SYMPK: variants seen among roughly 807,000 people sequenced by gnomAD.
SYMPK encodes symplekin scaffold protein.
SYMPK carries 49 observed loss-of-function variants against 136.4 expected under a neutral mutation model. The ratio of observed to expected loss-of-function variants is 0.36; its 90% confidence interval spans 0.29 to 0.46. The LOEUF (loss-of-function observed/expected upper bound fraction) is 0.46. Among genes scored for constraint, SYMPK ranks in the 20% least tolerant of loss-of-function variants. The pLI, the probability that SYMPK is intolerant of heterozygous loss-of-function variation, is 1.00. For missense variants in SYMPK, 1,365 were observed against 1,690.0 expected (o/e 0.81, Z 3.37); for synonymous variants, 766 against 713.0 (o/e 1.07, Z -1.19).
chr19:45,855,760 C>CCGAAACGGG (rs1971808355), intron 1 of SYMPK: 1 of 152,060 alleles, frequency 6.6e-6, no homozygotes, highest in Non-Finnish European at 1.5e-5. Context: ...CTTTGGGAGG[C>CCGAAACGGG]TGAGGCAGGC....
At chr19:45,856,039 C>T (rs1307346107) in intron 1 of SYMPK, among the ~76,000 whole-genome samples, 1 of 151,714 alleles carries the variant, frequency 6.6e-6, no homozygotes, top group Non-Finnish European at 1.5e-5. Flanking sequence ...AACCAAAAAC[C>T]AGCAGAGGAA....
At chr19:45,847,097 G>A (rs943099546) in intron 7 of SYMPK, among the ~76,000 whole-genome samples, 1 of 151,932 alleles carries the variant, frequency 6.6e-6, no homozygotes, top group African/African-American at 2.4e-5. Context: ...CCTGGCCTAT[G>A]TCCTACTTTT....
chr19:45,841,983 ATTTATT>A (rs1291086246), intron 9 of SYMPK, among the ~76,000 whole-genome samples: 1 of 151,772 alleles, frequency 6.6e-6, no homozygotes, highest in Non-Finnish European at 1.5e-5. Context: ...AAATACTGTA[ATTTATT>A]TTTATAATTA....
At chr19:45,841,707 T>G (rs1237529963) in intron 9 of SYMPK, among the ~76,000 whole-genome samples, 1 of 152,178 alleles carries the variant, frequency 6.6e-6, no homozygotes, top group African/African-American at 2.4e-5. Context: ...ACACTATTGA[T>G]AAATAATACA....
intron 3 of SYMPK, among the ~76,000 whole-genome samples, chr19:45,853,760 G>A (rs1014228636): frequency 2.0e-5 from 3 of 152,080 alleles, no homozygotes; most frequent in Admixed American, 6.6e-5. Flanking sequence ...GAGCCCCCCT[G>A]GGCTCCCTTC....
At chr19:45,860,232 G>C (rs970253691) in intron 1 of SYMPK, among the ~76,000 whole-genome samples, 2 of 151,934 alleles carry the variant, frequency 1.3e-5, no homozygotes, top group African/African-American at 4.8e-5. Context: ...AAGGCGGGTG[G>C]ATCACCCGAG....
intron 1 of SYMPK, among the ~76,000 whole-genome samples, chr19:45,862,712 G>A (rs35850102): frequency 0.042 from 6,377 of 152,324 alleles, 169 homozygotes; most frequent in South Asian, 0.086. Context: ...GTAAAAGGAT[G>A]TTGCAGGCAG....
rs1176588710 is a variant in SYMPK at position 45,844,130 on chromosome 19, G to A, written c.747C>T (p.Ser249=). ...LLKFMVHPAI[S]SINLTTALGS... ...CCAGCGCTGTGGTCAGGTTGATGGAGGAGATGGCAGGGTGCACCATGAACT... is the reference window on the plus strand; with the variant it reads ...CCAGCGCTGTGGTCAGGTTGATGGAAGAGATGGCAGGGTGCACCATGAACT... Residue 249 remains serine, a synonymous_variant, in exon 8 of 27, where the codon TCC becomes TCT. Transcript: ENST00000245934. 4 of 1,612,662 alleles carry A rather than the reference G, an allele frequency of 2.5e-6. No homozygotes were observed. The East Asian group carries it at 8.9e-5, about 36-fold the overall frequency.
intron 23 of SYMPK, among the ~76,000 whole-genome samples, chr19:45,817,417 C>CTTTTTTTTTTT (rs559430104): frequency 1.6e-4 from 17 of 108,476 alleles, no homozygotes; most frequent in African/African-American, 5.7e-4. Flanking sequence ...TTTTTGTTCT[C>CTTTTTTTTTTT]TTTTTTTTTT....
chr19:45,845,873 T>C (rs1356198045), intron 7 of SYMPK, among the ~76,000 whole-genome samples: 1 of 152,228 alleles, frequency 6.6e-6, no homozygotes, highest in Non-Finnish European at 1.5e-5. Flanking sequence ...TGTTGTCTTT[T>C]TGATAAAAGT....
intron 20 of SYMPK, 48 bp from the exon 21 acceptor site, chr19:45,822,894 C>G (rs1970940778): frequency 1.4e-6 from 2 of 1,480,470 alleles, no homozygotes; most frequent in Non-Finnish European, 1.9e-6. Flanking sequence ...CATACACCCT[C>G]ATTTCCCTTC....
At chr19:45,829,450 T>C (rs1444634595) in intron 13 of SYMPK, among the ~76,000 whole-genome samples, 1 of 152,152 alleles carries the variant, frequency 6.6e-6, no homozygotes, top group African/African-American at 2.4e-5. Context: ...AGCACCCATG[T>C]ACTTAAGTGC....
At chr19:45,818,234 G>A in intron 22 of SYMPK, 88 bp from the exon 23 acceptor site, 3 of 1,344,696 alleles carry the variant, frequency 2.2e-6, no homozygotes, top group Non-Finnish European at 3.0e-6. Context: ...CTGCCCATGT[G>A]AGGGGAAGAC....
chr19:45,837,237 T>A (rs556939727), intron 10 of SYMPK, among the ~76,000 whole-genome samples: 1 of 152,278 alleles, frequency 6.6e-6, no homozygotes, highest in African/African-American at 2.4e-5. Context: ...TGGTATTTTA[T>A]ACTATGAATA....
chr19:45,850,738 A>C (rs762819808), intron 5 of SYMPK, among the ~76,000 whole-genome samples: 2 of 152,160 alleles, frequency 1.3e-5, no homozygotes, highest in Non-Finnish European at 2.9e-5. Context: ...CCAGGCAGGT[A>C]CTGGGGACAA....
intron 9 of SYMPK, among the ~76,000 whole-genome samples, chr19:45,842,007 A>G (rs1281788620): frequency 6.6e-6 from 1 of 151,830 alleles, no homozygotes; most frequent in African/African-American, 2.4e-5. Context: ...TTATTTTATA[A>G]TTTTTTAAAA....
chr19:45,849,215 T>C (rs1016166340), intron 5 of SYMPK, among the ~76,000 whole-genome samples: 1 of 152,140 alleles, frequency 6.6e-6, no homozygotes, highest in Non-Finnish European at 1.5e-5. Flanking sequence ...TTTGGGAAAA[T>C]TGCAACAATA....
intron 1 of SYMPK, among the ~76,000 whole-genome samples, chr19:45,858,702 A>T (rs1971891022): frequency 6.6e-6 from 1 of 152,034 alleles, no homozygotes; most frequent in South Asian, 2.1e-4. Context: ...TTTAGTAGAG[A>T]CGGGGTTTCT....
intron 7 of SYMPK, among the ~76,000 whole-genome samples, chr19:45,845,441 T>A (rs1265604756): frequency 6.6e-6 from 1 of 152,206 alleles, no homozygotes; most frequent in Non-Finnish European, 1.5e-5. Context: ...CACAAATAAG[T>A]GAGAACATGC....
Sources: allele counts gnomAD v4.1 joint callset (sites outside exome capture counted in the v4.1 genomes callset), GRCh38; gene constraint gnomAD v4.1.1; transcripts MANE v1.5; gene names NCBI Gene and HGNC (gene_info 2026-07-23, HGNC 2026-07-21).